Variants in RIMBP2 observed in about 807,000 individuals in gnomAD.
RIMBP2 encodes the protein RIMS binding protein 2, also known as RIMS-binding protein 2.
In RIMBP2, 48 loss-of-function variants were observed where a neutral mutation model predicts 118.6. The observed-to-expected ratio is 0.40, with a 90% confidence interval of 0.32 to 0.51. The LOEUF (loss-of-function observed/expected upper bound fraction) is 0.51. Among genes scored for constraint, RIMBP2 ranks in the 20% least tolerant of loss-of-function variants. The probability of loss-of-function intolerance (pLI) is 0.41; values close to 1 mark genes in which losing one functional copy is unlikely to be tolerated. For synonymous variants in RIMBP2, 762 were observed against 742.9 expected, an observed-to-expected ratio of 1.03 and a Z score of -0.42; for missense variants, 1,551 against 1,768.3, an observed-to-expected ratio of 0.88 and a Z score of 2.20.
At chr12:130,573,738 G>C (rs763229764) in intron 2 of RIMBP2, among the ~76,000 whole-genome samples, 18 of 152,072 alleles carry the variant, frequency 1.2e-4, no homozygotes, top group African/African-American at 4.3e-4. Flanking sequence ...GTGGAGAAAC[G>C]CAGGAAGCCA....
At chr12:130,418,658 G>C (rs897707854) in intron 17 of RIMBP2, among the ~76,000 whole-genome samples, 1 of 152,180 alleles carries the variant, frequency 6.6e-6, no homozygotes, top group African/African-American at 2.4e-5. Flanking sequence ...GCATCAAAAC[G>C]TGCAGAGGGG....
intron 1 of RIMBP2, among the ~76,000 whole-genome samples, chr12:130,675,201 G>A (rs535941394): frequency 4.3e-4 from 65 of 152,344 alleles, no homozygotes; most frequent in African/African-American, 1.5e-3. Flanking sequence ...TGACGGAGCC[G>A]CGGCCTCTGC....
chr12:130,478,863 C>A lies in RIMBP2; in HGVS notation c.102+49G>T, dbSNP rs368199277. On this transcript the variant is annotated intron_variant, in intron 5 of 22. Coordinates refer to ENST00000690449, the MANE Select transcript of RIMBP2 (RefSeq NM_001393629.1). The stretch of plus-strand genomic sequence containing the variant: ...CACCACACCAGGGATCCCCGGCCCA[C>A]CCGTGGACTCCCTGCCTCGCACGCC... 50 of 1,419,406 alleles carry A rather than the reference C, an allele frequency of 3.5e-5. No homozygotes were observed. In the African/African-American group the frequency reaches 6.0e-4, roughly 17 times the overall value. 87.9% of individuals were successfully genotyped at this position (1,419,406 alleles called of 1,614,324 possible).
intron 6 of RIMBP2, among the ~76,000 whole-genome samples, chr12:130,467,553 G>A (rs1229436733): frequency 2.6e-5 from 4 of 152,182 alleles, no homozygotes; most frequent in Non-Finnish European, 5.9e-5. Context: ...TTCTCAGGAA[G>A]ACTGATTGAG....
intron 21 of RIMBP2, among the ~76,000 whole-genome samples, chr12:130,401,185 G>A (rs560545828): frequency 3.3e-5 from 5 of 151,944 alleles, no homozygotes; most frequent in African/African-American, 7.2e-5. Flanking sequence ...GCGTGATCTC[G>A]GCTCACTGCC....
rs369195319 is a variant in RIMBP2 at position 130,690,048 on chromosome 12, G to T, written c.-352+26174C>A. Among the ~76,000 whole-genome samples the T allele has an allele frequency of 6.0e-4, 91 of 152,324 alleles. 2 individuals carry two copies. In the South Asian group the frequency reaches 0.019, roughly 31 times the overall value. ...CCCGTGTCCCGCTGGTGCTGCCAGG[G>T]CCTCTCAGCAACTGGCAGTGCCTTC... On this transcript the variant is annotated intron_variant, in intron 1 of 22. Transcript: ENST00000690449.
intron 1 of RIMBP2, among the ~76,000 whole-genome samples, chr12:130,708,557 C>T (rs538611058): frequency 1.3e-5 from 2 of 152,160 alleles, no homozygotes; most frequent in South Asian, 2.1e-4. Context: ...CATGGTGACA[C>T]GCGCCTGCAG....
intron 1 of RIMBP2, among the ~76,000 whole-genome samples, chr12:130,663,731 G>T (rs2063753950): frequency 6.6e-6 from 1 of 151,730 alleles, no homozygotes; most frequent in Non-Finnish European, 1.5e-5. Flanking sequence ...ACTTCCCGCT[G>T]GGTACTTTAA....
intron 4 of RIMBP2, among the ~76,000 whole-genome samples, chr12:130,493,839 A>C (rs887322476): frequency 6.6e-6 from 1 of 152,222 alleles, no homozygotes; most frequent in Admixed American, 6.5e-5. Context: ...TACATGAAAG[A>C]GTCTACCAGG....
chr12:130,404,459 G>A (rs1003735128), intron 21 of RIMBP2, among the ~76,000 whole-genome samples: 1 of 152,024 alleles, frequency 6.6e-6, no homozygotes, highest in South Asian at 2.1e-4. Flanking sequence ...CACCACGCCC[G>A]GCTAATTCTT....
chr12:130,630,524 C>T (rs4293159), intron 1 of RIMBP2, among the ~76,000 whole-genome samples: 29,537 of 151,776 alleles, frequency 0.19, 3,172 homozygotes, highest in African/African-American at 0.27. Context: ...CCCAGAATCA[C>T]GATAAATTGA....
chr12:130,679,042 C>T (rs1278476091), intron 1 of RIMBP2, among the ~76,000 whole-genome samples: 2 of 152,110 alleles, frequency 1.3e-5, no homozygotes, highest in South Asian at 2.1e-4. Context: ...CTTTAAAATA[C>T]TTAATTTTAT....
At chr12:130,496,344 G>A (rs1184197952) in intron 4 of RIMBP2, among the ~76,000 whole-genome samples, 6 of 152,106 alleles carry the variant, frequency 3.9e-5, no homozygotes, top group Non-Finnish European at 5.9e-5. Context: ...CACCATGATT[G>A]TGAGGCCTCC....
intron 1 of RIMBP2, among the ~76,000 whole-genome samples, chr12:130,639,715 G>C (rs761995108): frequency 2.0e-5 from 3 of 152,012 alleles, no homozygotes; most frequent in African/African-American, 2.4e-5. Flanking sequence ...CCCAGTCCCC[G>C]AATGGCACCT....
At chr12:130,414,599 CG>C (rs2075991884) in intron 17 of RIMBP2, 1 of 251,858 alleles carries the variant, frequency 4.0e-6, no homozygotes, top group Admixed American at 4.9e-5. Context: ...GGGCTGCGGC[CG>C]TGCCAGGGGC....
At chr12:130,487,186 C>G (rs55764403) in intron 4 of RIMBP2, among the ~76,000 whole-genome samples, 7,718 of 152,298 alleles carry the variant, frequency 0.051, 282 homozygotes, top group South Asian at 0.16. Flanking sequence ...TCCTGCTGTC[C>G]GACATGCTTG....
chr12:130,613,813 CA>C lies in RIMBP2; in HGVS notation c.-217+14508del, dbSNP rs376443531. On this transcript the variant is annotated intron_variant, in intron 2 of 22. Transcript: ENST00000690449. Reference sequence around the variant, plus strand: ...TGGGTGACAGAGCAAGACTCTGTCTCAAAAAAAAAAAAAAAAAAAACTCAGT... The same window carrying C: ...TGGGTGACAGAGCAAGACTCTGTCTCAAAAAAAAAAAAAAAAAAACTCAGT... 1.7e-3 allele frequency among the ~76,000 whole-genome samples: 180 copies of C among 105,046 alleles called. 1 individual carries two copies. Among genetic ancestry groups the C allele is most frequent in the African/African-American group, 5.8e-3 (154 of 26,484 alleles). 68.9% of individuals were successfully genotyped at this position (105,046 alleles called of 152,430 possible).
chr12:130,501,190 C>A (rs2049737491), intron 4 of RIMBP2, among the ~76,000 whole-genome samples: 1 of 152,172 alleles, frequency 6.6e-6, no homozygotes, highest in Non-Finnish European at 1.5e-5. Context: ...TGAAGACACA[C>A]CCCGAGCCTG....
At chr12:130,461,253 C>T (rs1428518588) in intron 6 of RIMBP2, among the ~76,000 whole-genome samples, 2 of 152,186 alleles carry the variant, frequency 1.3e-5, no homozygotes, top group African/African-American at 4.8e-5. Flanking sequence ...CTGCTCCTTA[C>T]ACCTCGGGGG....
Sources: gnomAD v4.1 joint callset for allele counts (sites outside exome capture counted in the v4.1 genomes callset) on GRCh38, gnomAD v4.1.1 for gene constraint, MANE v1.5 for transcripts, NCBI Gene and HGNC (gene_info 2026-07-23, HGNC 2026-07-21) for gene names.